Variants in EIF4EBP2 observed in about 807,000 individuals in gnomAD.
EIF4EBP2 encodes the protein eukaryotic translation initiation factor 4E-binding protein 2.
Under a neutral mutation model 10.3 loss-of-function variants are expected in EIF4EBP2, and 5 were observed. That is an observed-to-expected ratio of 0.48 (90% confidence interval 0.25 to 1.02). The LOEUF (loss-of-function observed/expected upper bound fraction) is 1.02. Ranked by LOEUF, EIF4EBP2 falls within the 50% of genes least tolerant of loss-of-function variation. The pLI is 0.15. For synonymous variants in EIF4EBP2, 67 were observed against 61.1 expected (o/e 1.10, Z -0.45); for missense variants, 188 against 162.2 (o/e 1.16, Z -0.86).
chr10:70,414,878 C>G, intron 1 of EIF4EBP2, among the ~76,000 whole-genome samples: 1 of 151,876 alleles, frequency 6.6e-6, no homozygotes, highest in South Asian at 2.1e-4. Flanking sequence ...AAAGCAAAAA[C>G]AAAGAAAACT....
rs749401977 is a variant in EIF4EBP2, at chr10:70,423,298, G to A, written c.*1551G>A. 6.6e-6 allele frequency: 1 copy of A among 152,564 alleles called. No individual in the cohort carries two copies. The highest frequency in any genetic ancestry group is 2.4e-5 in the African/African-American group (1 of 41,382). The allele number at this position is 152,564 out of a possible 1,614,324, so 9.5% of individuals were successfully genotyped here. On this transcript the variant is annotated 3_prime_UTR_variant, in exon 3 of 3. Coordinates refer to ENST00000373218, the MANE Select transcript of EIF4EBP2 (RefSeq NM_004096.5). Reference sequence around the variant, plus strand: ...CTCTTTCCTTTCCCCTCTAGTTTTGGGTGTGCATGTTTGGAGTTTGTAGTG... The same window carrying A: ...CTCTTTCCTTTCCCCTCTAGTTTTGAGTGTGCATGTTTGGAGTTTGTAGTG...
At chr10:70,410,091 CAG>C (rs1231153549) in intron 1 of EIF4EBP2, among the ~76,000 whole-genome samples, 5 of 151,930 alleles carry the variant, frequency 3.3e-5, no homozygotes, top group Admixed American at 1.3e-4. Context: ...TTCTTTGAGA[CAG>C]AGTTTCACTC....
intron 1 of EIF4EBP2, among the ~76,000 whole-genome samples, chr10:70,414,670 C>G (rs1455447677): frequency 2.6e-5 from 4 of 152,154 alleles, no homozygotes; most frequent in African/African-American, 9.7e-5. Flanking sequence ...GAGTTCGAGA[C>G]CAGCCTGGCC....
Position 70,423,358 on chromosome 10 carries a change from A to G in EIF4EBP2, c.*1611A>G, listed in dbSNP as rs545935052. On this transcript the variant is annotated 3_prime_UTR_variant, in exon 3 of 3. Transcript: ENST00000373218. ...TAAAACTGGACCATTCTGCCTTGCT[A>G]TGGGTTGTTCAAGAAAGCCTCATTC... The G allele has an allele frequency of 3.9e-5, 6 of 152,596 alleles. No individual in the cohort carries two copies. Among genetic ancestry groups the G allele is most frequent in the Admixed American group, 2.6e-4 (4 of 15,284 alleles). The allele number at this position is 152,596 out of a possible 1,614,324, so 9.5% of individuals were successfully genotyped here.
At chr10:70,407,321 C>T (rs554724185) in intron 1 of EIF4EBP2, among the ~76,000 whole-genome samples, 2 of 152,076 alleles carry the variant, frequency 1.3e-5, no homozygotes, top group East Asian at 1.9e-4. Context: ...TGACTCTTAA[C>T]GAGCACGCTG....
chr10:70,410,276 G>T (rs572216888), intron 1 of EIF4EBP2, among the ~76,000 whole-genome samples: 5 of 152,294 alleles, frequency 3.3e-5, no homozygotes, highest in African/African-American at 9.6e-5. Context: ...TACCATGTTG[G>T]CCAGGCTGGT....
Position 70,425,153 on chromosome 10 carries a change from A to G in EIF4EBP2, c.*3406A>G, listed in dbSNP as rs1182472743. 1.3e-5 allele frequency: 2 copies of G among 152,258 alleles called. No individual in the cohort carries two copies. Among genetic ancestry groups the G allele is most frequent in the African/African-American group, 2.4e-5 (1 of 41,456 alleles). The allele number at this position is 152,258 out of a possible 1,614,324, so 9.4% of individuals were successfully genotyped here. On this transcript the variant is annotated 3_prime_UTR_variant, in exon 3 of 3. Transcript: ENST00000373218. ...TGGCAGGATGCCTCAGTTTCTTCCC[A>G]TGTGGGTCTCTGCGTAGGGCAGCAT... is the stretch of plus-strand genomic sequence containing the variant.
chr10:70,423,862 T>C lies in EIF4EBP2; in HGVS notation c.*2115T>C, dbSNP rs1845182554. The C allele has an allele frequency of 6.6e-6, 1 of 152,646 alleles. No individual in the cohort carries two copies. The highest frequency in any genetic ancestry group is 2.4e-5 in the African/African-American group (1 of 41,464). The allele number at this position is 152,646 out of a possible 1,614,324, so 9.5% of individuals were successfully genotyped here. On this transcript the variant is annotated 3_prime_UTR_variant, in exon 3 of 3. Coordinates refer to ENST00000373218, the MANE Select transcript of EIF4EBP2 (RefSeq NM_004096.5). ...TAATCAGAAAAGTAATTTTTGTTTG[T>C]TTGTTTAATGTATCCCTGTTCTGTT...
At chr10:70,420,124 C>A in intron 2 of EIF4EBP2, 25 bp downstream of exon 2, 1 of 1,562,066 alleles carries the variant, frequency 6.4e-7, no homozygotes, top group South Asian at 1.2e-5. Context: ...ATGTTGGAGA[C>A]CTAGAGCGTG....
intron 1 of EIF4EBP2, among the ~76,000 whole-genome samples, chr10:70,417,132 C>T (rs921116777): frequency 2.0e-5 from 3 of 151,834 alleles, no homozygotes; most frequent in Non-Finnish European, 2.9e-5. Context: ...TGATAAGGTG[C>T]GATATATACA....
At chr10:70,414,600 G>A (rs1328283659) in intron 1 of EIF4EBP2, among the ~76,000 whole-genome samples, 1 of 152,200 alleles carries the variant, frequency 6.6e-6, no homozygotes, top group African/African-American at 2.4e-5. Flanking sequence ...CAGCACAGTG[G>A]CTCATGCCTG....
At chr10:70,420,239 A>T (rs1845139937) in intron 2 of EIF4EBP2, 140 bp downstream of exon 2, 1 of 811,842 alleles carries the variant, frequency 1.2e-6, no homozygotes, top group African/African-American at 1.8e-5. Flanking sequence ...TCATTCTGTC[A>T]CTGAGGCTGG....
intron 1 of EIF4EBP2, among the ~76,000 whole-genome samples, chr10:70,418,892 T>C (rs1008906424): frequency 1.3e-5 from 2 of 152,214 alleles, no homozygotes; most frequent in African/African-American, 4.8e-5. Flanking sequence ...CATAGCTCAC[T>C]GTAGCCTCGA....
intron 1 of EIF4EBP2, among the ~76,000 whole-genome samples, chr10:70,410,214 C>A (rs929296685): frequency 2.6e-5 from 4 of 152,070 alleles, no homozygotes; most frequent in Admixed American, 6.5e-5. Flanking sequence ...GGATTACGGG[C>A]GCCCACCACC....
rs1337142478 is a variant in EIF4EBP2, at chr10:70,421,881, T to A, written c.*134T>A. The A allele has an allele frequency of 6.8e-6, 5 of 730,938 alleles. No homozygotes were observed. The highest frequency in any genetic ancestry group is 1.1e-5 in the Non-Finnish European group (5 of 438,522). The allele number at this position is 730,938 out of a possible 1,614,324, so 45.3% of individuals were successfully genotyped here. On this transcript the variant is annotated 3_prime_UTR_variant, in exon 3 of 3. Transcript: ENST00000373218. Reference sequence around the variant, plus strand: ...CCATTACAGTCTCCACCTCCCCGTCTTCCTCTGGGTGCCAAATGATGGGAA... The same window carrying A: ...CCATTACAGTCTCCACCTCCCCGTCATCCTCTGGGTGCCAAATGATGGGAA...
At chr10:70,406,188 C>T (rs544924736) in intron 1 of EIF4EBP2, among the ~76,000 whole-genome samples, 2 of 152,220 alleles carry the variant, frequency 1.3e-5, no homozygotes, top group Admixed American at 6.5e-5. Context: ...CTCCATGTTG[C>T]CCAGGCTCGT....
chr10:70,413,781 C>T (rs960852226), intron 1 of EIF4EBP2, among the ~76,000 whole-genome samples: 1 of 151,918 alleles, frequency 6.6e-6, no homozygotes, highest in Admixed American at 6.6e-5. Flanking sequence ...GACTAAGGAG[C>T]ATGATTATTT....
intron 1 of EIF4EBP2, among the ~76,000 whole-genome samples, chr10:70,404,748 C>T (rs1271247698): frequency 1.3e-5 from 2 of 152,248 alleles, no homozygotes; most frequent in African/African-American, 2.4e-5. Context: ...GCGCGCCCCA[C>T]TCGGGAATGT....
At chr10:70,409,266 T>C (rs918330573) in intron 1 of EIF4EBP2, among the ~76,000 whole-genome samples, 1 of 152,182 alleles carries the variant, frequency 6.6e-6, no homozygotes. Context: ...AAACTTTTTG[T>C]TGGGCAAATT....
Sources: allele counts gnomAD v4.1 joint callset (sites outside exome capture counted in the v4.1 genomes callset), GRCh38; gene constraint gnomAD v4.1.1; transcripts MANE v1.5; gene names NCBI Gene and HGNC (gene_info 2026-07-23, HGNC 2026-07-21).